The following GTPBP1 variants were observed in gnomAD, a reference collection of about 807,000 sequenced individuals.
GTPBP1 encodes GTP-binding protein 1.
A neutral mutation model predicts 62.0 loss-of-function variants in GTPBP1; 23 were observed. That is an observed-to-expected ratio of 0.37 (90% CI 0.27 to 0.53). The LOEUF (loss-of-function observed/expected upper bound fraction) is 0.53. Ranked by LOEUF, GTPBP1 falls within the 20% of genes least tolerant of loss-of-function variation. GTPBP1 has a pLI of 0.89. For missense variants in GTPBP1, 640 were observed against 917.3 expected, an observed-to-expected ratio of 0.70 and a Z score of 3.90; for synonymous variants, 344 against 364.4, an observed-to-expected ratio of 0.94 and a Z score of 0.64.
At chr22:38,706,243 G>GCTCCCCGCGGACA in intron 1 of GTPBP1, 96 bp downstream of exon 1, 1 of 797,720 alleles carries the variant, frequency 1.3e-6, no homozygotes, top group Non-Finnish European at 1.7e-6. Context: ...CCCTGTCCGC[G>GCTCCCCGCGGACA]GGGAGCGCGG....
intron 2 of GTPBP1, among the ~76,000 whole-genome samples, chr22:38,712,503 T>G (rs912043236): frequency 5.3e-5 from 8 of 152,130 alleles, no homozygotes; most frequent in African/African-American, 1.9e-4. Context: ...AGGGAGTCTT[T>G]GCAGCCTGTA....
downstream of GTPBP1, chr22:38,740,915 T>TC: frequency 7.4e-7 from 1 of 1,354,052 alleles, no homozygotes; most frequent in Non-Finnish European, 1.0e-6. This position sits in a 1 kb window ranked among gnomAD's most constrained non-coding sequence, Gnocchi z 4.8. Context: ...TGATCAGAAC[T>TC]CTCTGCTCTG....
At chr22:38,721,104 A>G (rs2092698054) in intron 4 of GTPBP1, among the ~76,000 whole-genome samples, 1 of 151,754 alleles carries the variant, frequency 6.6e-6, no homozygotes, top group Non-Finnish European at 1.5e-5. Context: ...GGGGAAACAG[A>G]GTTTCGCTCT....
Position 38,728,142 on chromosome 22 carries a change from C to T in GTPBP1, c.1697C>T (p.Ala566Val). 1 of 1,613,360 alleles carries T rather than the reference C, an allele frequency of 6.2e-7. No individual in the cohort carries two copies. Among genetic ancestry groups the T allele is most frequent in the Non-Finnish European group, 8.5e-7 (1 of 1,179,440 alleles). ...GTGTTCCGGGAAGGCCGCACCAAGG[C>T]TGTCGGCACCATCACCAAGGTATGG... ...RLVFREGRTK[A>V]VGTITKLLQT... is the part of the protein sequence containing the mutation. The change falls in exon 10 of 12, where the codon GCT becomes GTT. Residue 566 changes from alanine to valine, a missense_variant. By Grantham distance (64) the Ala-to-Val change is moderately conservative. Transcript: ENST00000216044.
Position 38,729,452 on chromosome 22 carries a change from G to T in GTPBP1, c.1717-10G>T. 1 of 1,587,594 alleles carries T rather than the reference G, an allele frequency of 6.3e-7. No individual in the cohort carries two copies. Among genetic ancestry groups the T allele is most frequent in the Non-Finnish European group, 8.6e-7 (1 of 1,167,266 alleles). On this transcript the variant is annotated splice_polypyrimidine_tract_variant and intron_variant, in intron 10 of 11. Transcript: ENST00000216044. Reference sequence around the variant, plus strand: ...GCTCCAGCCTCAGCCTCTCTCCATGGCTCCCACAGCTCCTCCAGACCACCA... The same window carrying T: ...GCTCCAGCCTCAGCCTCTCTCCATGTCTCCCACAGCTCCTCCAGACCACCA...
downstream of GTPBP1, chr22:38,742,385 G>T: frequency 6.2e-7 from 1 of 1,613,308 alleles, no homozygotes; most frequent in Non-Finnish European, 8.5e-7. Flanking sequence ...GCAGCGCCAG[G>T]GTGTCCTCGT....
rs2092667075 is a variant in GTPBP1 at position 38,715,878 on chromosome 22, C to T, written c.305-29C>T. 3.2e-6 allele frequency: 5 copies of T among 1,578,986 alleles called. No individual in the cohort carries two copies. The East Asian group carries it at 1.1e-4, about 36-fold the overall frequency. ...AGGCTGGTTGGTCAGGACTCCCTCTCCTGCTGATGTCTGGGCTCTTGTCAC... is the reference window on the plus strand; with the variant it reads ...AGGCTGGTTGGTCAGGACTCCCTCTTCTGCTGATGTCTGGGCTCTTGTCAC... On this transcript the variant is annotated intron_variant, in intron 2 of 11. Transcript: ENST00000216044.
In GTPBP1 at chr22:38,726,002, T is replaced by A; in HGVS notation, c.1074-4T>A. On this transcript the variant is annotated splice_region_variant and splice_polypyrimidine_tract_variant and intron_variant, in intron 6 of 11. Transcript: ENST00000216044. This position sits in a 1 kb window ranked among gnomAD's most constrained non-coding sequence, Gnocchi z 4.1. Reference sequence around the variant, plus strand: ...TTTTTCCTTCCTCTTCTCCCTCTGCTTAGGATGTGCCCGATATTCCAGATC... The same window carrying A: ...TTTTTCCTTCCTCTTCTCCCTCTGCATAGGATGTGCCCGATATTCCAGATC... 1 of 1,613,984 alleles carries A rather than the reference T, an allele frequency of 6.2e-7. No homozygotes were observed. Among genetic ancestry groups the A allele is most frequent in the Non-Finnish European group, 8.5e-7 (1 of 1,179,896 alleles).
At chr22:38,725,697 A>T (rs775153474) in intron 6 of GTPBP1, 3 of 332,552 alleles carry the variant, frequency 9.0e-6, no homozygotes, top group Non-Finnish European at 1.7e-5. Flanking sequence ...TTAAGCAAGC[A>T]TGCGTGTGTT....
In GTPBP1 at chr22:38,729,656, G is replaced by T. The variant is rs2092746296; in HGVS notation, c.1911G>T (p.Gln637His). ...AACCAGCTGCGTCCAGCAATCTCCA[G>T]CCTCAGGTGAGCACGGGCCCCTCGC... ...AGQPAASSNL[Q>H]PQPKPSSGGR... The change falls in exon 11 of 12, where the codon CAG (glutamine) becomes CAT (histidine). Residue 637 changes from glutamine to histidine, a missense_variant. By Grantham distance (24) the Gln-to-His change is conservative. This residue lies in a region of GTPBP1 where 117 missense variants were observed against 107.1 expected (regional missense o/e 1.09). Transcript: ENST00000216044. 1 of 1,496,696 alleles carries T rather than the reference G, an allele frequency of 6.7e-7. No individual in the cohort carries two copies. 92.7% of individuals were successfully genotyped at this position (1,496,696 alleles called of 1,614,324 possible). A position where few individuals can be genotyped will look rare whatever the true frequency, so the allele number is the denominator to read the frequency against.
chr22:38,706,057 C>G lies in GTPBP1; in HGVS notation c.102C>G (p.Ala34=), dbSNP rs955234882. ...CGGGGGCGGCCAGGGCCGCGGCGGCCGCCGCCCGACTCCACGGCGGCTTTG... is the reference window on the plus strand; with the variant it reads ...CGGGGGCGGCCAGGGCCGCGGCGGCGGCCGCCCGACTCCACGGCGGCTTTG... ...SSPGAARAAA[A]AARLHGGFDS... Residue 34 remains alanine (A), a synonymous_variant, in exon 1 of 12, where the codon GCC becomes GCG. Coordinates refer to ENST00000216044, the MANE Select transcript of GTPBP1 (RefSeq NM_004286.5). 3 of 1,365,450 alleles carry G rather than the reference C, an allele frequency of 2.2e-6. No homozygotes were observed. The highest frequency in any genetic ancestry group is 1.9e-6 in the Non-Finnish European group (2 of 1,060,466). The allele number at this position is 1,365,450 out of a possible 1,614,324, so 84.6% of individuals were successfully genotyped here. A position where few individuals can be genotyped will look rare whatever the true frequency, so the allele number is the denominator to read the frequency against.
intron 5 of GTPBP1, chr22:38,723,099 G>A: frequency 2.6e-6 from 2 of 770,672 alleles, no homozygotes. Flanking sequence ...TGACTAAAGT[G>A]GGAATCCACT....
intron 2 of GTPBP1, among the ~76,000 whole-genome samples, chr22:38,715,084 G>T (rs542550141): frequency 6.6e-6 from 1 of 151,944 alleles, no homozygotes; most frequent in Non-Finnish European, 1.5e-5. Context: ...TCTTTCTGTC[G>T]TCATTATCTC....
chr22:38,742,546 G>A (rs1403926673), downstream of GTPBP1: 4 of 1,610,976 alleles, frequency 2.5e-6, no homozygotes, highest in South Asian at 2.2e-5. Flanking sequence ...GACATAACAC[G>A]CTGCTCAGCC....
chr22:38,729,576 C>T lies in GTPBP1; in HGVS notation c.1831C>T (p.Pro611Ser). The T allele has an allele frequency of 1.3e-6, 2 of 1,592,076 alleles. No individual in the cohort carries two copies. Among genetic ancestry groups the T allele is most frequent in the Non-Finnish European group, 1.7e-6 (2 of 1,170,044 alleles). ...KRDEGGPSGG[P>S]AVGAPPPGDE... ...AGACGAGGGGGGCCCGTCTGGTGGG[C>T]CAGCAGTAGGAGCACCCCCACCTGG... The change falls in exon 11 of 12, where the codon CCA becomes TCA. Residue 611 changes from proline to serine, a missense_variant. This residue lies in a region of GTPBP1 where 117 missense variants were observed against 107.1 expected (regional missense o/e 1.09). Coordinates refer to ENST00000216044, the MANE Select transcript of GTPBP1 (RefSeq NM_004286.5).
intron 5 of GTPBP1, chr22:38,722,853 T>C: frequency 1.3e-6 from 2 of 1,508,378 alleles, no homozygotes; most frequent in Non-Finnish European, 1.8e-6. Flanking sequence ...TTCTACATAC[T>C]GGAACGCCTT....
rs577931444 is a variant in GTPBP1 at position 38,716,235 on chromosome 22, C to T, written c.485+148C>T. The T allele has an allele frequency of 2.5e-5, 17 of 672,118 alleles. No homozygotes were observed. In the African/African-American group the frequency reaches 2.6e-4, roughly 10 times the overall value. The allele number at this position is 672,118 out of a possible 1,614,324, so 41.6% of individuals were successfully genotyped here. Reference sequence around the variant, plus strand: ...TGTCTGGAGACGTGGGCTCCTTGCTCTAATTCTGCACTTCCCTGTCACTTT... The same window carrying T: ...TGTCTGGAGACGTGGGCTCCTTGCTTTAATTCTGCACTTCCCTGTCACTTT... On this transcript the variant is annotated intron_variant, in intron 3 of 11. Coordinates refer to ENST00000216044, the MANE Select transcript of GTPBP1 (RefSeq NM_004286.5). The surrounding 1 kb of genome is among the most constrained non-coding windows in gnomAD (Gnocchi z 5.2).
chr22:38,708,275 G>T (rs2092617821), intron 1 of GTPBP1, among the ~76,000 whole-genome samples: 1 of 152,234 alleles, frequency 6.6e-6, no homozygotes, highest in Non-Finnish European at 1.5e-5. Context: ...TTTGCAAAAT[G>T]ACGGTGCTAA....
downstream of GTPBP1, chr22:38,738,374 A>G: frequency 1.8e-6 from 2 of 1,137,224 alleles, no homozygotes. The surrounding 1 kb of genome is among the most constrained non-coding windows in gnomAD (Gnocchi z 6.6). Context: ...AGAGTGGCCT[A>G]TGACAAGTCA....
Sources: gnomAD v4.1 joint callset for allele counts (sites outside exome capture counted in the v4.1 genomes callset) on GRCh38, gnomAD v4.1.1 for gene constraint, gnomAD v4.1.1 regional missense constraint, Gnocchi (gnomAD v3.1) non-coding constraint, MANE v1.5 for transcripts, NCBI Gene and HGNC (gene_info 2026-07-23, HGNC 2026-07-21) for gene names.